Variants in FAT3 observed in about 807,000 individuals in gnomAD.
FAT3 encodes protocadherin Fat 3.
Under a neutral mutation model 310.2 loss-of-function variants are expected in FAT3, and 95 were observed. The observed-to-expected ratio is 0.31, with a 90% CI of 0.26 to 0.36. The LOEUF (loss-of-function observed/expected upper bound fraction) is 0.36, where lower values mean the gene tolerates loss of function less well. Among genes scored for constraint, FAT3 ranks in the 10% least tolerant of loss-of-function variants. FAT3 has a pLI of 1.00. For synonymous variants in FAT3, 2,314 were observed against 2,192.9 expected (o/e 1.06, Z -1.54); for missense variants, 5,408 against 5,715.6 (o/e 0.95, Z 1.74).
intron 3 of FAT3, among the ~76,000 whole-genome samples, chr11:92,529,418 T>C (rs1357657853): frequency 6.6e-6 from 1 of 152,184 alleles, no homozygotes; most frequent in East Asian, 1.9e-4. Flanking sequence ...AGAAAGCGAA[T>C]TTTAAGAGTC....
chr11:92,528,433 C>G (rs891303179), intron 3 of FAT3, among the ~76,000 whole-genome samples: 1 of 152,222 alleles, frequency 6.6e-6, no homozygotes, highest in African/African-American at 2.4e-5. Context: ...GTCGCCCAGG[C>G]TGGAGTGCAT....
At chr11:92,794,030 A>T (rs1947102906) in intron 9 of FAT3, among the ~76,000 whole-genome samples, 1 of 152,270 alleles carries the variant, frequency 6.6e-6, no homozygotes, top group Admixed American at 6.5e-5. Flanking sequence ...AGCTCTACTT[A>T]AAAAAAGAAA....
intron 4 of FAT3, among the ~76,000 whole-genome samples, chr11:92,740,720 A>G (rs1239375787): frequency 2.0e-5 from 3 of 152,146 alleles, no homozygotes; most frequent in Non-Finnish European, 4.4e-5. Flanking sequence ...TCATGTAAGT[A>G]CTTAAAAAGC....
chr11:92,753,773 G>GGTGTGTGT (rs145467493), intron 4 of FAT3, among the ~76,000 whole-genome samples: 154 of 127,766 alleles, frequency 1.2e-3, no homozygotes, highest in African/African-American at 2.2e-3. Context: ...AAGAAACTGT[G>GGTGTGTGT]GTGTGTGTGT....
At chr11:92,756,942 T>TTTTTTTTG (rs1946010129) in intron 4 of FAT3, among the ~76,000 whole-genome samples, 1 of 147,368 alleles carries the variant, frequency 6.8e-6, no homozygotes, top group African/African-American at 2.5e-5. Flanking sequence ...TTTTTTTTTT[T>TTTTTTTTG]AGACAGAGGT....
intron 2 of FAT3, among the ~76,000 whole-genome samples, chr11:92,367,409 A>G (rs185398573): frequency 2.9e-4 from 44 of 152,304 alleles, no homozygotes; most frequent in Non-Finnish European, 2.9e-5. Flanking sequence ...CGACCTGGGC[A>G]ATATAGTGAG....
At chr11:92,434,042 A>T (rs1591285542) in intron 2 of FAT3, among the ~76,000 whole-genome samples, 1 of 148,426 alleles carries the variant, frequency 6.7e-6, no homozygotes, top group East Asian at 2.0e-4. Context: ...AAGAACCATC[A>T]CTGTGGATTG....
intron 3 of FAT3, among the ~76,000 whole-genome samples, chr11:92,648,024 G>A (rs1251573829): frequency 6.6e-6 from 1 of 152,152 alleles, no homozygotes; most frequent in African/African-American, 2.4e-5. Flanking sequence ...GCCGGAAAGA[G>A]GATTTCAGTA....
chr11:92,820,707 A>G (rs1947944625), intron 13 of FAT3, among the ~76,000 whole-genome samples: 1 of 152,224 alleles, frequency 6.6e-6, no homozygotes, highest in African/African-American at 2.4e-5. Flanking sequence ...AGAAATGCTG[A>G]GCCATAGATA....
At chr11:92,282,300 A>AT (rs1446708290) in intron 1 of FAT3, among the ~76,000 whole-genome samples, 1 of 151,960 alleles carries the variant, frequency 6.6e-6, no homozygotes, top group Non-Finnish European at 1.5e-5. Context: ...TGTATTAGCC[A>AT]TTTTTTTCTG....
chr11:92,541,042 A>T (rs1263435010), intron 3 of FAT3, among the ~76,000 whole-genome samples: 1 of 152,224 alleles, frequency 6.6e-6, no homozygotes, highest in Non-Finnish European at 1.5e-5. Context: ...ATGTTACAAG[A>T]AAATAAGATT....
intron 3 of FAT3, among the ~76,000 whole-genome samples, chr11:92,659,672 G>A (rs1336128824): frequency 6.6e-6 from 1 of 152,192 alleles, no homozygotes; most frequent in Non-Finnish European, 1.5e-5. Flanking sequence ...CCTAGGTTCA[G>A]ACCCTCTAGA....
At chr11:92,272,713 C>T (rs953904595) in intron 1 of FAT3, among the ~76,000 whole-genome samples, 1 of 151,896 alleles carries the variant, frequency 6.6e-6, no homozygotes, top group Non-Finnish European at 1.5e-5. Context: ...GAAAATGTGC[C>T]CCAAATGACT....
chr11:92,356,379 A>C (rs1235162342), intron 2 of FAT3, among the ~76,000 whole-genome samples: 2 of 152,214 alleles, frequency 1.3e-5, no homozygotes, highest in African/African-American at 2.4e-5. Context: ...ACTTGTCCAC[A>C]ATATTTGTAG....
At chr11:92,562,857 C>T (rs1038273384) in intron 3 of FAT3, among the ~76,000 whole-genome samples, 1 of 152,160 alleles carries the variant, frequency 6.6e-6, no homozygotes, top group Non-Finnish European at 1.5e-5. Context: ...ATGCTGTCCA[C>T]TCACACAGGT....
In FAT3 at chr11:92,611,249, G is replaced by T. The variant is rs77457277; in HGVS notation, c.3608-86135G>T. Among the ~76,000 whole-genome samples the T allele has an allele frequency of 3.7e-3, 560 of 152,098 alleles. 3 individuals carry two copies. Among genetic ancestry groups the T allele is most frequent in the African/African-American group, 0.013 (537 of 41,496 alleles). ...AGTGATCCTCCATCCTCAGCCTCCT[G>T]AGTACCTGGGACTGCACCATCTTGC... On this transcript the variant is annotated intron_variant, in intron 3 of 27. Transcript: ENST00000525166.
At chr11:92,459,705 G>C (rs935041244) in intron 2 of FAT3, among the ~76,000 whole-genome samples, 6 of 152,048 alleles carry the variant, frequency 3.9e-5, no homozygotes, top group Admixed American at 3.9e-4. Context: ...CTCATTGGAG[G>C]GTAGTGCAAA....
chr11:92,604,297 T>C (rs1156881729), intron 3 of FAT3, among the ~76,000 whole-genome samples: 1 of 152,226 alleles, frequency 6.6e-6, no homozygotes, highest in African/African-American at 2.4e-5. Flanking sequence ...TTTCTTCTTT[T>C]TAATTATGAC....
chr11:92,486,436 A>G (rs1952407525), intron 2 of FAT3, among the ~76,000 whole-genome samples: 1 of 151,882 alleles, frequency 6.6e-6, no homozygotes, highest in South Asian at 2.1e-4. Flanking sequence ...GTAGTCAACA[A>G]TGAAAGATTA....
Sources: gnomAD v4.1 joint callset for allele counts (sites outside exome capture counted in the v4.1 genomes callset) on GRCh38, gnomAD v4.1.1 for gene constraint, MANE v1.5 for transcripts, NCBI Gene and HGNC (gene_info 2026-07-23, HGNC 2026-07-21) for gene names.